MAGI2: variants seen among roughly 807,000 people sequenced by gnomAD.
MAGI2 encodes membrane associated guanylate kinase, WW and PDZ domain containing 2.
A neutral mutation model predicts 133.3 loss-of-function variants in MAGI2; 35 were observed. The ratio of observed to expected loss-of-function variants is 0.26; its 90% confidence interval spans 0.20 to 0.35. MAGI2 has a LOEUF of 0.35. Ranked by LOEUF, MAGI2 falls within the 10% of genes least tolerant of loss-of-function variation. The probability of loss-of-function intolerance (pLI) is 1.00; values close to 1 mark genes in which losing one functional copy is unlikely to be tolerated. For missense variants in MAGI2, 1,636 were observed against 1,863.4 expected, an observed-to-expected ratio of 0.88 and a Z score of 2.25; for synonymous variants, 729 against 710.6, an observed-to-expected ratio of 1.03 and a Z score of -0.41.
intron 2 of MAGI2, among the ~76,000 whole-genome samples, chr7:78,828,238 T>C (rs1364711905): frequency 6.6e-6 from 1 of 152,176 alleles, no homozygotes; most frequent in East Asian, 1.9e-4. Flanking sequence ...AAAGGTACAG[T>C]ATGGCAAAAG....
intron 2 of MAGI2, among the ~76,000 whole-genome samples, chr7:78,658,973 C>G (rs544534116): frequency 6.6e-6 from 1 of 152,204 alleles, no homozygotes; most frequent in East Asian, 1.9e-4. Context: ...GGGCATTTAT[C>G]CCAGGGAAAT....
chr7:78,573,035 GTATATATATA>G (rs765938732), intron 3 of MAGI2, among the ~76,000 whole-genome samples: 1,092 of 31,662 alleles, frequency 0.034, 36 homozygotes, highest in Middle Eastern at 0.12. Context: ...GCATATGTAT[GTATATATATA>G]TATATATATA....
intron 3 of MAGI2, among the ~76,000 whole-genome samples, chr7:78,567,402 A>G (rs1471074555): frequency 6.6e-6 from 1 of 151,850 alleles, no homozygotes; most frequent in East Asian, 1.9e-4. Context: ...CTACACACAC[A>G]CACACACACA....
intron 2 of MAGI2, among the ~76,000 whole-genome samples, chr7:78,683,887 G>C (rs1815974957): frequency 6.6e-6 from 1 of 152,114 alleles, no homozygotes; most frequent in Non-Finnish European, 1.5e-5. Flanking sequence ...TAAAATACCA[G>C]TTTTTGCCTG....
intron 1 of MAGI2, among the ~76,000 whole-genome samples, chr7:79,081,048 C>T (rs1372334386): frequency 2.0e-5 from 3 of 152,018 alleles, no homozygotes; most frequent in Admixed American, 1.3e-4. Flanking sequence ...GTCCTAAACC[C>T]GGCCGCACAG....
In MAGI2 at chr7:78,798,605, G is replaced by A. The variant is rs560643619; in HGVS notation, c.419-171366C>T. ...CTTTGAGATTGGTCTTTGGGAACCG[G>A]GCTTCAATCTTTAGGCTTCAGGATG... is the stretch of plus-strand genomic sequence containing the variant. On this transcript the variant is annotated intron_variant, in intron 2 of 21. Transcript: ENST00000354212. Among the ~76,000 whole-genome samples, 9 of 152,142 alleles carry A rather than the reference G, an allele frequency of 5.9e-5. No homozygotes were observed. The East Asian group carries it at 1.7e-3, about 29-fold the overall frequency.
chr7:78,292,898 T>G (rs1279332413), intron 9 of MAGI2, among the ~76,000 whole-genome samples: 4 of 152,208 alleles, frequency 2.6e-5, no homozygotes, highest in Admixed American at 2.6e-4. Context: ...AAGCTGAAAC[T>G]GGACCCCTTC....
intron 6 of MAGI2, 54 bp from the exon 7 acceptor site, chr7:78,369,267 AAAGT>A (rs1793686887): frequency 8.1e-7 from 1 of 1,230,720 alleles, no homozygotes; most frequent in African/African-American, 1.5e-5. Flanking sequence ...TTTCTAATAA[AAAGT>A]AATATAATTT....
intron 1 of MAGI2, among the ~76,000 whole-genome samples, chr7:79,174,660 C>T (rs1365837054): frequency 2.7e-5 from 4 of 149,522 alleles, no homozygotes; most frequent in African/African-American, 1.0e-4. Flanking sequence ...CATAACAAGA[C>T]CCCCATCTCT....
At chr7:78,604,028 A>C (rs1805507374) in intron 3 of MAGI2, among the ~76,000 whole-genome samples, 1 of 147,228 alleles carries the variant, frequency 6.8e-6, no homozygotes, top group Non-Finnish European at 1.5e-5. Context: ...AAAATCAAAC[A>C]TACAATGACA....
chr7:78,375,073 C>G (rs1290431669), intron 6 of MAGI2, among the ~76,000 whole-genome samples: 1 of 152,058 alleles, frequency 6.6e-6, no homozygotes, highest in East Asian at 1.9e-4. Context: ...CAACTCCTGA[C>G]CTCAGGTTAT....
At chr7:79,093,353 A>G (rs1367153221) in intron 1 of MAGI2, among the ~76,000 whole-genome samples, 1 of 152,162 alleles carries the variant, frequency 6.6e-6, no homozygotes, top group Non-Finnish European at 1.5e-5. Context: ...ATATACAGGT[A>G]TACCTCAGAG....
rs528163151 is a variant in MAGI2 at position 79,217,248 on chromosome 7, A to T, written c.302-210042T>A. Among the ~76,000 whole-genome samples the T allele has an allele frequency of 3.3e-5, 5 of 152,082 alleles. No individual in the cohort carries two copies. In the South Asian group the frequency reaches 1.0e-3, roughly 31 times the overall value. ...GAAAGATCAAATATTCTCGGAGTTT[A>T]ATTTGTATATAATAGCAACCTCAGT... On this transcript the variant is annotated intron_variant, in intron 1 of 21. Coordinates refer to ENST00000354212, the MANE Select transcript of MAGI2 (RefSeq NM_012301.4).
intron 1 of MAGI2, among the ~76,000 whole-genome samples, chr7:79,029,245 A>G (rs919728512): frequency 2.5e-4 from 38 of 152,114 alleles, no homozygotes; most frequent in African/African-American, 9.2e-4. Flanking sequence ...ATCTGGAGAA[A>G]TGTTGTAGTT....
intron 3 of MAGI2, among the ~76,000 whole-genome samples, chr7:78,573,035 GTATA>G (rs765938732): frequency 0.13 from 4,194 of 31,476 alleles, 210 homozygotes; most frequent in African/African-American, 0.16. Flanking sequence ...GCATATGTAT[GTATA>G]TATATATATA....
intron 2 of MAGI2, among the ~76,000 whole-genome samples, chr7:78,652,316 G>A (rs1320799239): frequency 1.3e-5 from 2 of 152,042 alleles, no homozygotes; most frequent in Non-Finnish European, 2.9e-5. Context: ...AAATAGTAAA[G>A]GGTAAGACAA....
intron 9 of MAGI2, among the ~76,000 whole-genome samples, chr7:78,261,544 A>C (rs987987766): frequency 9.9e-5 from 15 of 152,136 alleles, no homozygotes. Flanking sequence ...GATATTTAGG[A>C]TAGATTCTCA....
At chr7:78,903,406 A>G (rs551289838) in intron 2 of MAGI2, among the ~76,000 whole-genome samples, 2 of 151,826 alleles carry the variant, frequency 1.3e-5, no homozygotes, top group African/African-American at 4.8e-5. Flanking sequence ...CATGTTAGCC[A>G]GGATGGTCTC....
At chr7:78,837,235 T>C (rs994407774) in intron 2 of MAGI2, among the ~76,000 whole-genome samples, 4 of 152,182 alleles carry the variant, frequency 2.6e-5, no homozygotes, top group Non-Finnish European at 4.4e-5. Flanking sequence ...TTACTAATTC[T>C]GTACTTCATG....
Sources: gnomAD v4.1 joint callset for allele counts (sites outside exome capture counted in the v4.1 genomes callset) on GRCh38, gnomAD v4.1.1 for gene constraint, MANE v1.5 for transcripts, NCBI Gene and HGNC (gene_info 2026-07-23, HGNC 2026-07-21) for gene names.